SLC66A1: variants seen among roughly 807,000 people sequenced by gnomAD.
The protein encoded by SLC66A1 is solute carrier family 66 member 1, also known as lysosomal amino acid transporter 1 homolog.
SLC66A1 carries 23 observed loss-of-function variants against 33.0 expected under a neutral mutation model. The ratio of observed to expected loss-of-function variants is 0.70; its 90% CI spans 0.50 to 0.99. The LOEUF (loss-of-function observed/expected upper bound fraction) is 0.99. Ranked by LOEUF, SLC66A1 falls within the 50% of genes least tolerant of loss-of-function variation. SLC66A1 has a pLI of 0.00. For synonymous variants in SLC66A1, 164 were observed against 175.5 expected (o/e 0.93, Z 0.52); for missense variants, 335 against 383.6 (o/e 0.87, Z 1.06).
intron 2 of SLC66A1, among the ~76,000 whole-genome samples, chr1:19,324,153 T>C (rs2093851140): frequency 6.6e-6 from 1 of 152,260 alleles, no homozygotes; most frequent in Non-Finnish European, 1.5e-5. Flanking sequence ...GGGTTCTGCC[T>C]GTCTTGGCTA....
chr1:19,322,447 A>G (rs1477219172), intron 2 of SLC66A1, among the ~76,000 whole-genome samples: 3 of 152,162 alleles, frequency 2.0e-5, no homozygotes, highest in Non-Finnish European at 4.4e-5. Flanking sequence ...ATTGATGAAG[A>G]CAAGTCGAGT....
chr1:19,333,899 C>CAAACAAAACAAA (rs2093898216), downstream of SLC66A1, among the ~76,000 whole-genome samples: 1 of 98,336 alleles, frequency 1.0e-5, no homozygotes, highest in Non-Finnish European at 2.2e-5. The surrounding 1 kb of genome is among the most constrained non-coding windows in gnomAD (Gnocchi z 4.2). Context: ...GACCTTGTCT[C>CAAACAAAACAAA]AAACAAAACA....
chr1:19,327,118 G>T, intron 6 of SLC66A1, 109 bp from the exon 7 acceptor site: 1 of 1,119,122 alleles, frequency 8.9e-7, no homozygotes, highest in Non-Finnish European at 1.3e-6. Flanking sequence ...GGGAAAGATT[G>T]GCTCAGAGCA....
intron 1 of SLC66A1, among the ~76,000 whole-genome samples, chr1:19,313,389 C>T (rs1412595888): frequency 6.6e-6 from 1 of 152,176 alleles, no homozygotes; most frequent in Non-Finnish European, 1.5e-5. Context: ...CTCTCACTGT[C>T]TCTCAACATT....
chr1:19,325,523 C>T lies in SLC66A1; in HGVS notation c.323C>T (p.Ala108Val), dbSNP rs770447956. 1.9e-5 allele frequency: 30 copies of T among 1,611,070 alleles called. No individual in the cohort carries two copies. The highest frequency in any genetic ancestry group is 2.3e-5 in the Non-Finnish European group (27 of 1,177,560). The change falls in exon 4 of 8, where the codon GCA (alanine) becomes GTA (valine). Residue 108 changes from alanine (A) to valine (V), a missense_variant. Coordinates refer to ENST00000375153, the MANE Select transcript of SLC66A1 (RefSeq NM_001040125.2). ...QTYTAVYYVL[A>V]DLVMLTLYFY... ...TACACGGCTGTGTATTATGTCTTGG[C>T]AGACCTGGTGATGCTGACGCTGTAC...
chr1:19,326,548 A>G lies in SLC66A1; in HGVS notation c.543A>G (p.Glu181=), dbSNP rs1265513353. 6.2e-7 allele frequency: 1 copy of G among 1,614,076 alleles called. No individual in the cohort carries two copies. The highest frequency in any genetic ancestry group is 1.3e-5 in the African/African-American group (1 of 74,924). ...CCCCACAGCCCTTCACCCGGCAGGA[A>G]GTCATTGGCTTCGTCATCGGCTCCA... is the stretch of plus-strand genomic sequence containing the variant. ...ESGSKPFTRQ[E]VIGFVIGSIS... The change falls in exon 6 of 8, where the codon GAA becomes GAG. Residue 181 remains glutamate (E), a synonymous_variant. Transcript: ENST00000375153.
rs759116584 is a variant in SLC66A1, at chr1:19,326,644, G to A, written c.618+21G>A. 4 of 1,611,546 alleles carry A rather than the reference G, an allele frequency of 2.5e-6. No individual in the cohort carries two copies. In the South Asian group the frequency reaches 3.3e-5, roughly 13 times the overall value. On this transcript the variant is annotated intron_variant, in intron 6 of 7. Coordinates refer to ENST00000375153, the MANE Select transcript of SLC66A1 (RefSeq NM_001040125.2). ...CCAACGTGAGCCTCCAGCAGGGGCT[G>A]GGTGGGGCCGAGTAGAGGAGAGCTG...
intron 2 of SLC66A1, among the ~76,000 whole-genome samples, chr1:19,318,786 C>CA (rs34811529): frequency 0.011 from 1,409 of 131,726 alleles, 23 homozygotes; most frequent in African/African-American, 0.034. Flanking sequence ...CCATCTCTAC[C>CA]AAAAAAAAAA....
At chr1:19,314,038 G>C (rs1232852527) in intron 1 of SLC66A1, among the ~76,000 whole-genome samples, 1 of 152,192 alleles carries the variant, frequency 6.6e-6, no homozygotes, top group East Asian at 1.9e-4. Context: ...ACCGCTTCTG[G>C]GGTCCTTCCC....
At chr1:19,319,605 G>GTTTTTTTTTTGTTTTTTTTTTTT (rs56769657) in intron 2 of SLC66A1, among the ~76,000 whole-genome samples, 2 of 111,870 alleles carry the variant, frequency 1.8e-5, no homozygotes, top group African/African-American at 8.1e-5. Flanking sequence ...GCACATTCAT[G>GTTTTTTTTTTGTTTTTTTTTTTT]TTTTTTTTTT....
chr1:19,325,472 T>C (rs754028608), intron 3 of SLC66A1, 23 bp from the exon 4 acceptor site: 1 of 1,554,392 alleles, frequency 6.4e-7, no homozygotes, highest in South Asian at 1.1e-5. Context: ...CGCCAACCCC[T>C]GGGCCCCCTG....
intron 2 of SLC66A1, among the ~76,000 whole-genome samples, chr1:19,321,491 G>A (rs1018830435): frequency 6.7e-6 from 1 of 149,132 alleles, no homozygotes; most frequent in Non-Finnish European, 1.5e-5. Context: ...CTTGTTCTAA[G>A]TGTTACAAAG....
intron 1 of SLC66A1, among the ~76,000 whole-genome samples, chr1:19,315,649 A>G (rs2093801026): frequency 6.6e-6 from 1 of 152,218 alleles, no homozygotes; most frequent in South Asian, 2.1e-4. Flanking sequence ...CCCTCTGAGC[A>G]CAGGGAAAAA....
At chr1:19,314,485 G>A (rs895603837) in intron 1 of SLC66A1, among the ~76,000 whole-genome samples, 1 of 152,218 alleles carries the variant, frequency 6.6e-6, no homozygotes, top group Non-Finnish European at 1.5e-5. Context: ...CCTAACCTGG[G>A]GAAAGGGGGA....
chr1:19,332,478 G>A (rs2093895248), downstream of SLC66A1, among the ~76,000 whole-genome samples: 1 of 152,166 alleles, frequency 6.6e-6, no homozygotes, highest in African/African-American at 2.4e-5. Context: ...CTCACAAAGA[G>A]AAGGGCCAAG....
chr1:19,320,974 A>G (rs144547615), intron 2 of SLC66A1, among the ~76,000 whole-genome samples: 3,205 of 149,554 alleles, frequency 0.021, 65 homozygotes, highest in Non-Finnish European at 0.036. Flanking sequence ...CAGCCTCCCA[A>G]AGTGCTGAGA....
intron 2 of SLC66A1, 26 bp from the exon 3 acceptor site, chr1:19,324,607 C>G: frequency 1.9e-6 from 3 of 1,613,564 alleles, no homozygotes; most frequent in Non-Finnish European, 2.5e-6. Context: ...CCTGAGCATG[C>G]ATCCCTTCCT....
intron 4 of SLC66A1, 64 bp from the exon 5 acceptor site, chr1:19,326,181 C>T: frequency 6.6e-7 from 1 of 1,510,036 alleles, no homozygotes; most frequent in African/African-American, 1.4e-5. Flanking sequence ...GGACTTAGCA[C>T]CCTCCCCCGA....
chr1:19,327,552 C>CCTCCCTCCCTCT, intron 7 of SLC66A1, 140 bp downstream of exon 7: 1 of 1,064,962 alleles, frequency 9.4e-7, no homozygotes, highest in Non-Finnish European at 1.4e-6. Flanking sequence ...TCCCTCCCTC[C>CCTCCCTCCCTCT]CTCCATCTGT....
Sources: allele counts gnomAD v4.1 joint callset (sites outside exome capture counted in the v4.1 genomes callset), GRCh38; gene constraint gnomAD v4.1.1; non-coding constraint Gnocchi (gnomAD v3.1); transcripts MANE v1.5; gene names NCBI Gene and HGNC (gene_info 2026-07-23, HGNC 2026-07-21).